The following HS3ST5 variants were observed in gnomAD, a reference collection of about 807,000 sequenced individuals.
HS3ST5 encodes heparan sulfate-glucosamine 3-sulfotransferase 5, also known as heparan sulfate glucosamine 3-O-sulfotransferase 5.
HS3ST5 carries 10 observed loss-of-function variants against 25.4 expected under a neutral mutation model. The ratio of observed to expected loss-of-function variants is 0.39; its 90% CI spans 0.24 to 0.67. HS3ST5 has a LOEUF of 0.67. Among genes scored for constraint, HS3ST5 ranks in the 30% least tolerant of loss-of-function variants. The pLI is 0.44. For missense variants in HS3ST5, 324 were observed against 420.7 expected (o/e 0.77, Z 2.01); for synonymous variants, 170 against 162.4 (o/e 1.05, Z -0.36).
chr6:114,290,997 C>T (rs536795128), intron 1 of HS3ST5, among the ~76,000 whole-genome samples: 5 of 151,950 alleles, frequency 3.3e-5, no homozygotes, highest in Non-Finnish European at 5.9e-5. Context: ...TGCCCAATTC[C>T]GGGGAGTCGA....
intron 3 of HS3ST5, among the ~76,000 whole-genome samples, chr6:114,164,165 C>T (rs1403902387): frequency 6.9e-6 from 1 of 145,310 alleles, no homozygotes; most frequent in Non-Finnish European, 1.5e-5. Context: ...ATTTCACTAT[C>T]TTGCATAAAA....
chr6:114,207,239 T>C (rs1353226902), intron 2 of HS3ST5, among the ~76,000 whole-genome samples: 2 of 152,188 alleles, frequency 1.3e-5, no homozygotes, highest in African/African-American at 4.8e-5. Context: ...GCTGCCCTTT[T>C]GTAATTCTGC....
At chr6:114,137,383 C>T (rs1483995962) in intron 3 of HS3ST5, among the ~76,000 whole-genome samples, 1 of 152,198 alleles carries the variant, frequency 6.6e-6, no homozygotes, top group Admixed American at 6.5e-5. Flanking sequence ...ATAGACATCA[C>T]AGGGATGTAA....
chr6:114,056,078 CTTAT>C lies in HS3ST5; in HGVS notation c.*1175_*1178del, dbSNP rs1772760096. 6.6e-6 allele frequency: 1 copy of C among 152,108 alleles called. No individual in the cohort carries two copies. The highest frequency in any genetic ancestry group is 1.5e-5 in the Non-Finnish European group (1 of 68,012). 9.4% of individuals were successfully genotyped at this position (152,108 alleles called of 1,614,324 possible). On this transcript the variant is annotated 3_prime_UTR_variant, in exon 5 of 5. Coordinates refer to ENST00000312719, the MANE Select transcript of HS3ST5 (RefSeq NM_153612.4). ...AGCTTTCAGTACAGAGTTTTCTAAT[CTTAT>C]TTAATTTCTCTACTGGTCTGACTCT...
intron 3 of HS3ST5, among the ~76,000 whole-genome samples, chr6:114,076,603 T>C (rs1774151761): frequency 6.6e-6 from 1 of 152,212 alleles, no homozygotes; most frequent in Admixed American, 6.5e-5. Flanking sequence ...AGCTTTCAAT[T>C]TGCTCTGTTG....
intron 3 of HS3ST5, among the ~76,000 whole-genome samples, chr6:114,104,402 C>T (rs1184543651): frequency 6.6e-6 from 1 of 152,164 alleles, no homozygotes; most frequent in Non-Finnish European, 1.5e-5. Flanking sequence ...TCCAGGCCTC[C>T]CGGCAGCCCA....
intron 3 of HS3ST5, among the ~76,000 whole-genome samples, chr6:114,073,635 A>G (rs935491257): frequency 1.3e-5 from 2 of 152,200 alleles, no homozygotes; most frequent in African/African-American, 4.8e-5. Flanking sequence ...AAAGGCAGGA[A>G]ACAACAGATG....
At chr6:114,189,234 G>A (rs1437688219) in intron 2 of HS3ST5, among the ~76,000 whole-genome samples, 1 of 151,908 alleles carries the variant, frequency 6.6e-6, no homozygotes, top group East Asian at 1.9e-4. Context: ...ACCTTGTATT[G>A]CTATTGAGAA....
intron 1 of HS3ST5, among the ~76,000 whole-genome samples, chr6:114,302,847 A>C (rs1775136795): frequency 6.6e-6 from 1 of 152,198 alleles, no homozygotes; most frequent in South Asian, 2.1e-4. Context: ...AAAATGTTAC[A>C]AACTGAATAT....
At chr6:114,212,376 C>G (rs1263778398) in intron 2 of HS3ST5, among the ~76,000 whole-genome samples, 1 of 152,178 alleles carries the variant, frequency 6.6e-6, no homozygotes, top group Non-Finnish European at 1.5e-5. Flanking sequence ...TTGCTCTTTT[C>G]TCACTTGCTG....
intron 1 of HS3ST5, among the ~76,000 whole-genome samples, chr6:114,296,825 C>A (rs1018990067): frequency 6.6e-6 from 1 of 151,994 alleles, no homozygotes; most frequent in African/African-American, 2.4e-5. Flanking sequence ...AGGTGAAGCA[C>A]GAAATCATGC....
intron 3 of HS3ST5, chr6:114,084,075 ATTTTC>A (rs1774626289): frequency 1.7e-6 from 1 of 571,446 alleles, no homozygotes; most frequent in Non-Finnish European, 3.1e-6. Context: ...CCCTGATCAT[ATTTTC>A]TTTTCTTTTT....
At chr6:114,123,248 C>T (rs1030359021) in intron 3 of HS3ST5, among the ~76,000 whole-genome samples, 2 of 152,206 alleles carry the variant, frequency 1.3e-5, no homozygotes, top group African/African-American at 4.8e-5. Context: ...CCATCGCGCC[C>T]AGCCATACAG....
intron 3 of HS3ST5, among the ~76,000 whole-genome samples, chr6:114,118,465 A>G (rs1486972486): frequency 6.6e-6 from 1 of 152,212 alleles, no homozygotes; most frequent in Non-Finnish European, 1.5e-5. Flanking sequence ...AGTTAACTGC[A>G]TTATAAACAA....
intron 3 of HS3ST5, among the ~76,000 whole-genome samples, chr6:114,074,672 C>A (rs1482324236): frequency 6.6e-6 from 1 of 152,068 alleles, no homozygotes; most frequent in African/African-American, 2.4e-5. Context: ...TCTCCCTATA[C>A]CCTGCCACTG....
chr6:114,128,747 G>A (rs1033094844), intron 3 of HS3ST5, among the ~76,000 whole-genome samples: 3 of 152,182 alleles, frequency 2.0e-5, no homozygotes, highest in African/African-American at 7.2e-5. Context: ...CAACTGCTGA[G>A]AGTAAAAGGT....
intron 3 of HS3ST5, among the ~76,000 whole-genome samples, chr6:114,091,417 C>A (rs2114794285): frequency 6.6e-6 from 1 of 152,116 alleles, no homozygotes; most frequent in South Asian, 2.1e-4. Context: ...GTGGCTCATG[C>A]CTGTAATCCC....
chr6:114,208,893 A>C (rs571835890), intron 2 of HS3ST5, among the ~76,000 whole-genome samples: 11 of 152,256 alleles, frequency 7.2e-5, no homozygotes, highest in Admixed American at 7.2e-4. Context: ...GTCTTGGGTT[A>C]TGTGTTTATT....
intron 1 of HS3ST5, chr6:114,230,350 A>C (rs1163605856): frequency 1.3e-5 from 2 of 151,970 alleles, no homozygotes; most frequent in Non-Finnish European, 2.9e-5. Context: ...AATCTCAGTA[A>C]GAGACTTAAG....
Sources: gnomAD v4.1 joint callset for allele counts (sites outside exome capture counted in the v4.1 genomes callset) on GRCh38, gnomAD v4.1.1 for gene constraint, MANE v1.5 for transcripts, NCBI Gene and HGNC (gene_info 2026-07-23, HGNC 2026-07-21) for gene names.